KIZ: variants seen among roughly 807,000 people sequenced by gnomAD.
KIZ encodes the protein kizuna centrosomal protein.
In KIZ, 68 loss-of-function variants were observed where a neutral mutation model predicts 79.6. The observed-to-expected ratio is 0.85, with a 90% CI of 0.70 to 1.05. KIZ has a LOEUF of 1.05. Among genes scored for constraint, KIZ ranks in the 50% least tolerant of loss-of-function variants. The pLI, the probability that KIZ is intolerant of heterozygous loss-of-function variation, is 0.00. For synonymous variants in KIZ, 280 were observed against 281.8 expected, an observed-to-expected ratio of 0.99 and a Z score of 0.06; for missense variants, 797 against 800.4, an observed-to-expected ratio of 1.00 and a Z score of 0.05.
At chr20:21,234,580 A>G (rs1201699843) in intron 11 of KIZ, among the ~76,000 whole-genome samples, 5 of 152,032 alleles carry the variant, frequency 3.3e-5, no homozygotes, top group Non-Finnish European at 7.4e-5. Context: ...AGAGGCTTAC[A>G]TTTAAGGATC....
intron 3 of KIZ, chr20:21,139,083 T>C (rs1370063421): frequency 1.3e-5 from 2 of 151,498 alleles, no homozygotes; most frequent in Non-Finnish European, 2.9e-5. Flanking sequence ...GACCTTTTTT[T>C]TTTTTTTTTA....
intron 9 of KIZ, among the ~76,000 whole-genome samples, chr20:21,224,452 G>A (rs988754920): frequency 2.6e-5 from 4 of 152,214 alleles, no homozygotes; most frequent in African/African-American, 9.7e-5. Flanking sequence ...AAGCACTTAG[G>A]TGTAGAAATA....
rs1345040379 is a variant in KIZ, at chr20:21,229,206, TGGAG to T, written c.1783+92_1783+95del. The T allele has an allele frequency of 9.7e-6, 7 of 724,074 alleles. No individual in the cohort carries two copies. In the African/African-American group the frequency reaches 1.2e-4, roughly 13 times the overall value. 44.9% of individuals were successfully genotyped at this position (724,074 alleles called of 1,614,324 possible). On this transcript the variant is annotated intron_variant, in intron 10 of 12. Transcript: ENST00000619189. Reference sequence around the variant, plus strand: ...GGTGGTTATTCTTTATGAAGGTTTCTGGAGTTTGCTCTGTAACGAGCTGTCACCA... The same window carrying T: ...GGTGGTTATTCTTTATGAAGGTTTCTTTTGCTCTGTAACGAGCTGTCACCA...
At chr20:21,133,923 A>G (rs1568904924) in intron 2 of KIZ, among the ~76,000 whole-genome samples, 2 of 152,168 alleles carry the variant, frequency 1.3e-5, no homozygotes, top group African/African-American at 4.8e-5. Context: ...CTGTATTCCT[A>G]CCGGTTTCTG....
At chr20:21,130,464 C>T (rs983004913) in intron 1 of KIZ, among the ~76,000 whole-genome samples, 1 of 152,144 alleles carries the variant, frequency 6.6e-6, no homozygotes, top group East Asian at 1.9e-4. Flanking sequence ...CCCAATTGAT[C>T]ATGAAACTCT....
intron 3 of KIZ, among the ~76,000 whole-genome samples, chr20:21,144,964 G>T (rs1377792252): frequency 6.6e-6 from 1 of 152,108 alleles, no homozygotes; most frequent in African/African-American, 2.4e-5. Context: ...TTATAGTGTG[G>T]TGATGATGCA....
In KIZ at chr20:21,163,001, A is replaced by T; in HGVS notation, c.1194A>T (p.Pro398=). 3.7e-6 allele frequency: 6 copies of T among 1,613,964 alleles called. No individual in the cohort carries two copies. Among genetic ancestry groups the T allele is most frequent in the Non-Finnish European group, 5.1e-6 (6 of 1,179,854 alleles). Residue 398 remains proline (P), a synonymous_variant, in exon 6 of 13, where the codon CCA becomes CCT. Coordinates refer to ENST00000619189, the MANE Select transcript of KIZ (RefSeq NM_018474.6). ...ILESPEPQPN[P]GGKMEGEDGI... is the part of the protein sequence containing the mutation. ...AGAGCCCAGAACCACAGCCAAATCC[A>T]GGTGGCAAGATGGAGGGAGAAGATG...
chr20:21,187,331 C>T lies in KIZ; in HGVS notation c.1353-18160C>T, dbSNP rs79475895. ...TTCACTGTTATCATGGAAGTAGACC[C>T]CGAGCAAAGTCAGAACCCAGGATGG... On this transcript the variant is annotated intron_variant, in intron 6 of 12. Coordinates refer to ENST00000619189, the MANE Select transcript of KIZ (RefSeq NM_018474.6). 1.0e-3 allele frequency among the ~76,000 whole-genome samples: 157 copies of T among 152,182 alleles called. 2 individuals carry two copies. Among genetic ancestry groups the T allele is most frequent in the African/African-American group, 3.6e-3 (149 of 41,530 alleles).
At chr20:21,134,400 T>G (rs1174195471) in intron 2 of KIZ, among the ~76,000 whole-genome samples, 1 of 152,090 alleles carries the variant, frequency 6.6e-6, no homozygotes, top group Non-Finnish European at 1.5e-5. Context: ...GGGCAATTAC[T>G]CCAACATTCG....
intron 6 of KIZ, among the ~76,000 whole-genome samples, chr20:21,165,562 C>G (rs1344681855): frequency 6.6e-6 from 1 of 152,174 alleles, no homozygotes; most frequent in African/African-American, 2.4e-5. Flanking sequence ...GAGGATTAAC[C>G]TGACAGCATT....
At chr20:21,194,587 G>A (rs947575883) in intron 6 of KIZ, 5 of 152,220 alleles carry the variant, frequency 3.3e-5, no homozygotes, top group Non-Finnish European at 5.9e-5. Flanking sequence ...GTCCGAGAAA[G>A]TTCTGAGTTA....
At chr20:21,171,212 C>T (rs2180581) in intron 6 of KIZ, among the ~76,000 whole-genome samples, 87,813 of 152,078 alleles carry the variant, frequency 0.58, 27,027 homozygotes, top group South Asian at 0.78. Flanking sequence ...ATATGCTTAT[C>T]TGCCACCTGT....
At chr20:21,155,476 G>T (rs1210743653) in intron 4 of KIZ, among the ~76,000 whole-genome samples, 5 of 152,132 alleles carry the variant, frequency 3.3e-5, no homozygotes, top group Non-Finnish European at 7.4e-5. Flanking sequence ...AGAATAAGCG[G>T]ATTTTTACAA....
Position 21,221,167 on chromosome 20 carries a change from G to A in KIZ, c.1678+5519G>A, listed in dbSNP as rs551881303. On this transcript the variant is annotated intron_variant, in intron 9 of 12. Transcript: ENST00000619189. ...TCTGCCTTTTGAACTACTTACATCC[G>A]CAAAGTGAAAATTTCCCACATTGAC... Among the ~76,000 whole-genome samples the A allele has an allele frequency of 1.6e-4, 25 of 152,196 alleles. No individual in the cohort carries two copies. The South Asian group carries it at 5.2e-3, about 32-fold the overall frequency.
chr20:21,176,962 A>C (rs1456787345), intron 6 of KIZ, among the ~76,000 whole-genome samples: 1 of 152,232 alleles, frequency 6.6e-6, no homozygotes. Flanking sequence ...AGGCAGAATA[A>C]TATTTCATTG....
intron 7 of KIZ, among the ~76,000 whole-genome samples, chr20:21,211,292 T>C (rs2036058014): frequency 6.6e-6 from 1 of 152,178 alleles, no homozygotes; most frequent in African/African-American, 2.4e-5. Context: ...ATGTCTGAAA[T>C]ATGGAGGTGT....
intron 6 of KIZ, among the ~76,000 whole-genome samples, chr20:21,178,489 T>C (rs998546934): frequency 1.3e-5 from 2 of 150,648 alleles, no homozygotes; most frequent in Admixed American, 1.3e-4. Flanking sequence ...TGTGTGTATG[T>C]GATCTTTAGA....
At chr20:21,162,562 TG>T in intron 5 of KIZ, 55 bp downstream of exon 5, 1 of 1,346,874 alleles carries the variant, frequency 7.4e-7, no homozygotes. Flanking sequence ...AGTGATCTTA[TG>T]TAAGGACAAA....
chr20:21,180,895 ACAT>A (rs1396725848), intron 6 of KIZ, among the ~76,000 whole-genome samples: 1 of 152,152 alleles, frequency 6.6e-6, no homozygotes, highest in Non-Finnish European at 1.5e-5. Flanking sequence ...GAGGCCCCAG[ACAT>A]CATGGAGCAC....
Sources: gnomAD v4.1 joint callset for allele counts (sites outside exome capture counted in the v4.1 genomes callset) on GRCh38, gnomAD v4.1.1 for gene constraint, MANE v1.5 for transcripts, NCBI Gene and HGNC (gene_info 2026-07-23, HGNC 2026-07-21) for gene names.